Variants in DST observed in about 807,000 individuals in gnomAD.
DST encodes dystonin, also known as bullous pemphigoid antigen.
In DST, 253 loss-of-function variants were observed where a neutral mutation model predicts 875.2. The observed-to-expected ratio is 0.29, with a 90% CI of 0.26 to 0.32. The LOEUF (loss-of-function observed/expected upper bound fraction) is 0.32. DST is among the 10% of genes least tolerant of loss of function. The probability of loss-of-function intolerance (pLI) is 1.00; values close to 1 mark genes in which losing one functional copy is unlikely to be tolerated. For synonymous variants in DST, 3,124 were observed against 3,197.1 expected (o/e 0.98, Z 0.77); for missense variants, 8,287 against 9,111.6 (o/e 0.91, Z 3.68).
intron 3 of DST, among the ~76,000 whole-genome samples, chr6:56,868,145 T>C (rs1051792763): frequency 2.0e-5 from 3 of 152,224 alleles, no homozygotes; most frequent in Non-Finnish European, 4.4e-5. Context: ...GTAGAAATAA[T>C]TATTTTTAAT....
intron 49 of DST, 82 bp downstream of exon 49, chr6:56,592,100 C>G (rs1432600480): frequency 1.5e-6 from 2 of 1,309,780 alleles, no homozygotes; most frequent in Non-Finnish European, 2.1e-6. Context: ...CCTCTCTTAG[C>G]TGAAACTATC....
At chr6:56,743,006 T>C (rs989370602) in intron 4 of DST, among the ~76,000 whole-genome samples, 1 of 152,200 alleles carries the variant, frequency 6.6e-6, no homozygotes, top group African/African-American at 2.4e-5. Flanking sequence ...ACAGCCAAAG[T>C]GGGATCTTAA....
At chr6:56,871,388 A>G in intron 3 of DST, 1 of 1,301,638 alleles carries the variant, frequency 7.7e-7, no homozygotes. Context: ...ACAATGCTGG[A>G]GTTGGCAGGT....
At chr6:56,710,420 C>T (rs1463953756) in intron 5 of DST, among the ~76,000 whole-genome samples, 2 of 152,162 alleles carry the variant, frequency 1.3e-5, no homozygotes, top group East Asian at 1.9e-4. Context: ...CAAATGAGAT[C>T]GCCTCACTGG....
At chr6:56,721,431 G>C (rs2099416204) in intron 5 of DST, among the ~76,000 whole-genome samples, 1 of 152,234 alleles carries the variant, frequency 6.6e-6, no homozygotes, top group Admixed American at 6.5e-5. Context: ...AAGTGTCCAT[G>C]AAATCTTCAC....
chr6:56,617,504 G>A, intron 36 of DST: 1 of 1,229,094 alleles, frequency 8.1e-7, no homozygotes, highest in Non-Finnish European at 1.2e-6. Flanking sequence ...ATAATTCTTT[G>A]AATTACAAAG....
intron 5 of DST, among the ~76,000 whole-genome samples, chr6:56,710,815 C>T (rs1470969735): frequency 1.3e-5 from 2 of 151,956 alleles, no homozygotes; most frequent in Non-Finnish European, 2.9e-5. Context: ...ATTATAAATT[C>T]GAAATTGGTG....
At chr6:56,642,290 TTTAAG>T in intron 16 of DST, 115 bp downstream of exon 16, 8 of 905,282 alleles carry the variant, frequency 8.8e-6, no homozygotes, top group Non-Finnish European at 1.4e-5. Context: ...TTTAACAAAC[TTTAAG>T]TTTCAGTGGA....
chr6:56,476,647 G>C (rs958631178), intron 91 of DST, among the ~76,000 whole-genome samples: 4 of 152,184 alleles, frequency 2.6e-5, no homozygotes, highest in Non-Finnish European at 5.9e-5. Flanking sequence ...ATGTGGCACA[G>C]AGTAGAAATG....
At chr6:56,486,957 G>C (rs756164519) in intron 87 of DST, 147 bp downstream of exon 87, 6 of 601,402 alleles carry the variant, frequency 1.0e-5, no homozygotes, top group Non-Finnish European at 1.7e-5. Context: ...CAATGCAAGT[G>C]CTATGTGTGT....
intron 32 of DST, among the ~76,000 whole-genome samples, chr6:56,628,779 C>T (rs1277932621): frequency 6.6e-6 from 1 of 152,072 alleles, no homozygotes; most frequent in Non-Finnish European, 1.5e-5. Context: ...TTAAGATGAA[C>T]CCTAAAACCT....
chr6:56,584,167 T>C (rs556457584), intron 49 of DST, among the ~76,000 whole-genome samples: 164 of 152,256 alleles, frequency 1.1e-3, no homozygotes, highest in African/African-American at 2.5e-3. Flanking sequence ...GCACTGAATC[T>C]ATAAATTATC....
intron 2 of DST, among the ~76,000 whole-genome samples, chr6:56,930,205 C>T (rs545936704): frequency 6.6e-6 from 1 of 152,302 alleles, no homozygotes; most frequent in Non-Finnish European, 1.5e-5. Context: ...AGGCCTATGC[C>T]GTATCTTGGT....
At chr6:56,905,568 C>A (rs1004617434) in intron 2 of DST, among the ~76,000 whole-genome samples, 1 of 152,088 alleles carries the variant, frequency 6.6e-6, no homozygotes, top group Non-Finnish European at 1.5e-5. Context: ...TTCATTCATA[C>A]TGTTGCATAT....
At chr6:56,897,814 G>C (rs1043333755) in intron 3 of DST, among the ~76,000 whole-genome samples, 4 of 152,160 alleles carry the variant, frequency 2.6e-5, no homozygotes, top group Middle Eastern at 3.4e-3. Flanking sequence ...CGAGCTAAGA[G>C]AGCAGTATAT....
At chr6:56,898,278 C>G (rs528301722) in intron 3 of DST, among the ~76,000 whole-genome samples, 69 of 152,228 alleles carry the variant, frequency 4.5e-4, no homozygotes, top group Non-Finnish European at 9.0e-4. Context: ...GAGTCAGTCT[C>G]AAAAGATGAA....
At chr6:56,527,447 C>A (rs762882618) in intron 68 of DST, 46 bp downstream of exon 68, 1 of 1,590,400 alleles carries the variant, frequency 6.3e-7, no homozygotes, top group Non-Finnish European at 8.6e-7. Context: ...AATAAGACTG[C>A]CTAAAAGATA....
At chr6:56,763,644 C>A (rs1199365159) in intron 4 of DST, among the ~76,000 whole-genome samples, 1 of 149,436 alleles carries the variant, frequency 6.7e-6, no homozygotes, top group Non-Finnish European at 1.5e-5. Flanking sequence ...TGCGCTCCAG[C>A]CGACAGAACG....
chr6:56,633,102 C>G (rs1363568888), intron 27 of DST, 65 bp from the exon 28 acceptor site: 1 of 1,353,714 alleles, frequency 7.4e-7, no homozygotes, highest in African/African-American at 1.4e-5. Flanking sequence ...GGAGACACTT[C>G]AAACTGGTCG....
Sources: gnomAD v4.1 joint callset for allele counts (sites outside exome capture counted in the v4.1 genomes callset) on GRCh38, gnomAD v4.1.1 for gene constraint, MANE v1.5 for transcripts, NCBI Gene and HGNC (gene_info 2026-07-23, HGNC 2026-07-21) for gene names.